Variants in HPCAL1 observed in about 807,000 individuals in gnomAD.
HPCAL1 encodes the protein hippocalcin like 1, also known as hippocalcin-like protein 1.
Under a neutral mutation model 17.1 loss-of-function variants are expected in HPCAL1, and 8 were observed. The observed-to-expected ratio is 0.47, with a 90% CI of 0.27 to 0.84. The LOEUF is 0.84. HPCAL1 is among the 40% of genes least tolerant of loss of function. The pLI, the probability that HPCAL1 is intolerant of heterozygous loss-of-function variation, is 0.13. For missense variants in HPCAL1, 165 were observed against 271.1 expected, an observed-to-expected ratio of 0.61 and a Z score of 2.75; for synonymous variants, 112 against 111.4, an observed-to-expected ratio of 1.01 and a Z score of -0.03.
At chr2:10,372,817 A>G (rs1250340260) in intron 1 of HPCAL1, among the ~76,000 whole-genome samples, 2 of 152,196 alleles carry the variant, frequency 1.3e-5, no homozygotes, top group Admixed American at 1.3e-4. Context: ...GTGGGTGTGT[A>G]AGGAGCCAAC....
At position 10,419,074 on chromosome 2, in the gene HPCAL1, G is replaced by A. The variant is rs569238665; in HGVS notation, c.-24-660G>A. ...AAAATACAAAAAATTAGCTGGGCGC[G>A]GTGGTGCATGCCTGTAATCCCAGCT... On this transcript the variant is annotated intron_variant, in intron 2 of 4. Coordinates refer to ENST00000307845, the MANE Select transcript of HPCAL1 (RefSeq NM_002149.4). This position sits in a 1 kb window ranked among gnomAD's most constrained non-coding sequence, Gnocchi z 5.0. Among the ~76,000 whole-genome samples, 3 of 152,216 alleles carry A rather than the reference G, an allele frequency of 2.0e-5. No homozygotes were observed. The highest frequency in any genetic ancestry group is 2.9e-5 in the Non-Finnish European group (2 of 68,032).
intron 1 of HPCAL1, among the ~76,000 whole-genome samples, chr2:10,387,926 G>A (rs971220953): frequency 8.6e-5 from 13 of 151,986 alleles, no homozygotes; most frequent in South Asian, 6.2e-4. Context: ...CATTTTTCTT[G>A]CCACTGAAAT....
chr2:10,360,821 A>C, intron 1 of HPCAL1, among the ~76,000 whole-genome samples: 2 of 148,928 alleles, frequency 1.3e-5, no homozygotes, highest in Non-Finnish European at 3.0e-5. Context: ...TTAACCTGGG[A>C]CTCTCTTCTC....
intron 1 of HPCAL1, among the ~76,000 whole-genome samples, chr2:10,380,110 T>G (rs76162540): frequency 6.6e-6 from 1 of 152,152 alleles, no homozygotes; most frequent in African/African-American, 2.4e-5. Context: ...AGCTGCAGAC[T>G]GAGTGTGTTG....
At chr2:10,305,472 T>G (rs1449437449) in intron 1 of HPCAL1, among the ~76,000 whole-genome samples, 1 of 152,166 alleles carries the variant, frequency 6.6e-6, no homozygotes, top group Non-Finnish European at 1.5e-5. Flanking sequence ...TCCCTTGCGG[T>G]GGGATGTGGT....
chr2:10,393,156 C>T (rs761527313), intron 1 of HPCAL1, among the ~76,000 whole-genome samples: 1 of 152,224 alleles, frequency 6.6e-6, no homozygotes, highest in Non-Finnish European at 1.5e-5. Flanking sequence ...CGGGAGCAAC[C>T]AGACATAACT....
In HPCAL1 at chr2:10,343,424, G is replaced by A. The variant is rs899229160; in HGVS notation, c.-111+40247G>A. On this transcript the variant is annotated intron_variant, in intron 1 of 4. Coordinates refer to ENST00000307845, the MANE Select transcript of HPCAL1 (RefSeq NM_002149.4). The surrounding 1 kb of genome is among the most constrained non-coding windows in gnomAD (Gnocchi z 4.8). The stretch of plus-strand genomic sequence containing the variant: ...ATATCTCCCTCCAGGACTCCCGGGT[G>A]GGAGGTGGGTGTTTGCATAGGCAGG... Among the ~76,000 whole-genome samples the A allele has an allele frequency of 5.9e-5, 9 of 152,246 alleles. No homozygotes were observed. Among genetic ancestry groups the A allele is most frequent in the Non-Finnish European group, 1.2e-4 (8 of 68,052 alleles).
At chr2:10,361,716 A>AT (rs199534306) in intron 1 of HPCAL1, among the ~76,000 whole-genome samples, 12,043 of 142,644 alleles carry the variant, frequency 0.084, 562 homozygotes, top group Middle Eastern at 0.15. Context: ...AACTTCTTAA[A>AT]TTTTTTTTTT....
intron 2 of HPCAL1, among the ~76,000 whole-genome samples, chr2:10,400,484 T>G (rs866322897): frequency 6.6e-6 from 1 of 152,198 alleles, no homozygotes; most frequent in African/African-American, 2.4e-5. Context: ...TCCCCTCTAG[T>G]GCTGGCCAGG....
chr2:10,423,344 T>C (rs551898999), intron 4 of HPCAL1: 38 of 485,836 alleles, frequency 7.8e-5, no homozygotes, highest in Non-Finnish European at 1.1e-4. Context: ...TCCCCACTTA[T>C]AGAATCGGGC....
intron 1 of HPCAL1, among the ~76,000 whole-genome samples, chr2:10,349,702 C>CAAAAAAAAAAAAAA (rs55897775): frequency 5.7e-5 from 3 of 52,726 alleles, no homozygotes; most frequent in African/African-American, 1.9e-4. Flanking sequence ...GACTCTGTCT[C>CAAAAAAAAAAAAAA]AAAAAAAAAA....
chr2:10,346,454 G>C (rs930145024), intron 1 of HPCAL1, among the ~76,000 whole-genome samples: 1 of 152,200 alleles, frequency 6.6e-6, no homozygotes, highest in African/African-American at 2.4e-5. Context: ...CCTGGCCCCA[G>C]TCCCCTCTGT....
intron 1 of HPCAL1, among the ~76,000 whole-genome samples, chr2:10,375,537 C>G (rs574950568): frequency 5.3e-5 from 8 of 152,370 alleles, no homozygotes; most frequent in African/African-American, 1.9e-4. Context: ...GCCAAGAACA[C>G]AAATTACGGT....
intron 1 of HPCAL1, among the ~76,000 whole-genome samples, chr2:10,317,473 A>AGTG (rs1663392798): frequency 6.7e-6 from 1 of 149,632 alleles, no homozygotes; most frequent in African/African-American, 2.5e-5. Context: ...GCTGGAGTGC[A>AGTG]GTGGCGTGAT....
At chr2:10,420,179 C>T in intron 3 of HPCAL1, 44 bp downstream of exon 3, 6 of 1,547,826 alleles carry the variant, frequency 3.9e-6, no homozygotes, top group Non-Finnish European at 5.3e-6. Context: ...GGCCCAGGTC[C>T]CCTCCCAGCT....
chr2:10,329,091 A>G (rs987280349), intron 1 of HPCAL1, among the ~76,000 whole-genome samples: 3 of 152,016 alleles, frequency 2.0e-5, no homozygotes, highest in South Asian at 2.1e-4. Context: ...GGCCTCCCAA[A>G]GTGCTAGGAT....
chr2:10,388,899 G>A (rs907680376), intron 1 of HPCAL1, among the ~76,000 whole-genome samples: 13 of 152,164 alleles, frequency 8.5e-5, no homozygotes, highest in East Asian at 3.9e-4. Flanking sequence ...ATTAGGAGGC[G>A]GGGCCTTTGG....
In HPCAL1 at chr2:10,323,208, T is replaced by C. The variant is rs1173431886; in HGVS notation, c.-111+20031T>C. On this transcript the variant is annotated intron_variant, in intron 1 of 4. Coordinates refer to ENST00000307845, the MANE Select transcript of HPCAL1 (RefSeq NM_002149.4). This position sits in a 1 kb window ranked among gnomAD's most constrained non-coding sequence, Gnocchi z 4.6. ...GTTCCCCACGGAGTCCCAGCGTGTATGCATGGGGTCACGGTGCTCCACGCT... is the reference window on the plus strand; with the variant it reads ...GTTCCCCACGGAGTCCCAGCGTGTACGCATGGGGTCACGGTGCTCCACGCT... Among the ~76,000 whole-genome samples the C allele has an allele frequency of 6.6e-6, 1 of 152,206 alleles. No homozygotes were observed. The highest frequency in any genetic ancestry group is 2.4e-5 in the African/African-American group (1 of 41,452).
intron 2 of HPCAL1, among the ~76,000 whole-genome samples, chr2:10,407,966 G>A (rs1388600724): frequency 1.3e-5 from 2 of 152,238 alleles, no homozygotes; most frequent in East Asian, 1.9e-4. Flanking sequence ...CCTGAGGAGT[G>A]ACCTTTGCAT....
Sources: allele counts gnomAD v4.1 joint callset (sites outside exome capture counted in the v4.1 genomes callset), GRCh38; gene constraint gnomAD v4.1.1; non-coding constraint Gnocchi (gnomAD v3.1); transcripts MANE v1.5; gene names NCBI Gene and HGNC (gene_info 2026-07-23, HGNC 2026-07-21).